The following UHRF1 variants were observed in gnomAD, a reference collection of about 807,000 sequenced individuals.
UHRF1 encodes the protein E3 ubiquitin-protein ligase UHRF1.
In UHRF1, 9 loss-of-function variants were observed where a neutral mutation model predicts 96.5. The observed-to-expected ratio is 0.09, with a 90% CI of 0.06 to 0.16. UHRF1 has a LOEUF of 0.16. UHRF1 is among the 10% of genes least tolerant of loss of function. UHRF1 has a pLI of 1.00. For synonymous variants in UHRF1, 455 were observed against 469.9 expected (o/e 0.97, Z 0.41); for missense variants, 626 against 1,131.1 (o/e 0.55, Z 6.40).
Position 4,959,243 on chromosome 19 carries a change from T to TC in UHRF1, c.2236-1411dup, listed in dbSNP as rs1043553905. On this transcript the variant is annotated intron_variant, in intron 16 of 16. Coordinates refer to ENST00000650932, the MANE Select transcript of UHRF1 (RefSeq NM_001048201.3). The stretch of plus-strand genomic sequence containing the variant: ...TACTCAGGAGGCTGAGACACGAGAA[T>TC]CCCTTGAACCCGGGAGGTGGAGGTT... 3.2e-4 allele frequency among the ~76,000 whole-genome samples: 49 copies of TC among 151,420 alleles called. 1 individual carries two copies. The highest frequency in any genetic ancestry group is 1.2e-3 in the African/African-American group (49 of 41,292).
chr19:4,923,464 G>A (rs950583093), intron 2 of UHRF1, among the ~76,000 whole-genome samples: 8 of 152,224 alleles, frequency 5.3e-5, no homozygotes, highest in East Asian at 1.9e-4. Flanking sequence ...GGTTTCCCTC[G>A]TGCGCTGAGG....
At chr19:4,958,633 G>A (rs905992018) in intron 16 of UHRF1, among the ~76,000 whole-genome samples, 20 of 152,182 alleles carry the variant, frequency 1.3e-4, no homozygotes, top group Non-Finnish European at 2.5e-4. Flanking sequence ...GCATCGGAGG[G>A]GTTCTGGGAA....
In UHRF1 at chr19:4,941,511, G is replaced by T; in HGVS notation, c.786-17G>T. 6.2e-7 allele frequency: 1 copy of T among 1,605,164 alleles called. No individual in the cohort carries two copies. Among genetic ancestry groups the T allele is most frequent in the Non-Finnish European group, 8.5e-7 (1 of 1,174,452 alleles). Reference sequence around the variant, plus strand: ...CCTCGGCAGGCCAGAATGTTCCAGCGTCCTCGTTCCTTGCAGGGATGATTC... The same window carrying T: ...CCTCGGCAGGCCAGAATGTTCCAGCTTCCTCGTTCCTTGCAGGGATGATTC... On this transcript the variant is annotated splice_polypyrimidine_tract_variant and intron_variant, in intron 5 of 16. Transcript: ENST00000650932.
rs938127055 is a variant in UHRF1 at position 4,946,050 on chromosome 19, C to T, written c.1410+85C>T. 117 of 1,097,730 alleles carry T rather than the reference C, an allele frequency of 1.1e-4. 1 individual carries two copies. In the South Asian group the frequency reaches 1.8e-3, roughly 17 times the overall value. The allele number at this position is 1,097,730 out of a possible 1,614,324, so 68.0% of individuals were successfully genotyped here. ...AATACATAGAACAAAATTTCCCATC[C>T]TAGCCGTTTTTAAATGCTTGGTTCC... On this transcript the variant is annotated intron_variant, in intron 10 of 16. Transcript: ENST00000650932.
intron 16 of UHRF1, among the ~76,000 whole-genome samples, chr19:4,958,931 C>T (rs2033923108): frequency 6.7e-6 from 1 of 148,384 alleles, no homozygotes; most frequent in Admixed American, 6.7e-5. Context: ...CATTGTACTC[C>T]AGCCTGGGCG....
chr19:4,916,838 T>C (rs2032524884), intron 2 of UHRF1, among the ~76,000 whole-genome samples: 1 of 152,160 alleles, frequency 6.6e-6, no homozygotes, highest in Admixed American at 6.6e-5. Flanking sequence ...TCCCCCCAGG[T>C]CCCGTCAGGC....
Position 4,930,567 on chromosome 19 carries a change from G to C in UHRF1, c.409-149G>C. The C allele has an allele frequency of 1.0e-6, 1 of 1,004,378 alleles. No homozygotes were observed. Among genetic ancestry groups the C allele is most frequent in the Non-Finnish European group, 1.5e-6 (1 of 685,834 alleles). 62.2% of individuals were successfully genotyped at this position (1,004,378 alleles called of 1,614,324 possible). A position where few individuals can be genotyped will look rare whatever the true frequency, so the allele number is the denominator to read the frequency against. On this transcript the variant is annotated intron_variant, in intron 3 of 16. Coordinates refer to ENST00000650932, the MANE Select transcript of UHRF1 (RefSeq NM_001048201.3). This position sits in a 1 kb window ranked among gnomAD's most constrained non-coding sequence, Gnocchi z 4.4. ...TGCCGGGGCTGGTTTCTCATGGTCAGCGGTTCCCAGCCAGGGAGGAGAAAC... is the reference window on the plus strand; with the variant it reads ...TGCCGGGGCTGGTTTCTCATGGTCACCGGTTCCCAGCCAGGGAGGAGAAAC...
chr19:4,929,161 C>T, intron 2 of UHRF1, 61 bp from the exon 3 acceptor site: 3 of 1,566,048 alleles, frequency 1.9e-6, no homozygotes, highest in Non-Finnish European at 2.6e-6. Context: ...ATCACTGGTG[C>T]CCACAGATGC....
At chr19:4,920,696 G>C (rs1367294781) in intron 2 of UHRF1, among the ~76,000 whole-genome samples, 1 of 152,174 alleles carries the variant, frequency 6.6e-6, no homozygotes, top group Non-Finnish European at 1.5e-5. Flanking sequence ...TGGGACTACA[G>C]ATGTGAGCCA....
chr19:4,944,369 G>T lies in UHRF1; in HGVS notation c.1224G>T (p.Lys408Asn). 6.2e-7 allele frequency: 1 copy of T among 1,614,058 alleles called. No homozygotes were observed. Among genetic ancestry groups the T allele is most frequent in the Non-Finnish European group, 8.5e-7 (1 of 1,179,904 alleles). ...GKGMACVGRT[K>N]ECTIVPSNHY... is the part of the protein sequence containing the mutation. The stretch of plus-strand genomic sequence containing the variant: ...GCATGGCCTGTGTGGGCCGCACCAA[G>T]GAATGTACCATCGTCCCGTCCAACC... The change falls in exon 9 of 17, where the codon AAG (lysine) becomes AAT (asparagine). Residue 408 changes from lysine to asparagine, a missense_variant. By Grantham distance (94) the Lys-to-Asn change is moderately conservative. Around this residue, in one of 11 missense-constraint regions of UHRF1, gnomAD observed 69 missense variants for 159.8 expected, o/e 0.43. Transcript: ENST00000650932.
chr19:4,906,832 C>T (rs1260863229), upstream of UHRF1, among the ~76,000 whole-genome samples: 5 of 152,230 alleles, frequency 3.3e-5, no homozygotes. Flanking sequence ...GCGCTACAAA[C>T]AGATGATGTG....
At position 4,948,398 on chromosome 19, in the gene UHRF1, A is replaced by T. The variant is rs17883616; in HGVS notation, c.1517+1187A>T. ...TATCTAAACATTATAAATATATTACATAAATAAATCCTATAAATTAAAAGG... is the reference window on the plus strand; with the variant it reads ...TATCTAAACATTATAAATATATTACTTAAATAAATCCTATAAATTAAAAGG... On this transcript the variant is annotated intron_variant, in intron 11 of 16. Transcript: ENST00000650932. Among the ~76,000 whole-genome samples, 6 of 152,302 alleles carry T rather than the reference A, an allele frequency of 3.9e-5. 1 individual carries two copies. The South Asian group carries it at 1.2e-3, about 32-fold the overall frequency.
chr19:4,954,868 G>A lies in UHRF1; in HGVS notation c.2130+46G>A, dbSNP rs766817993. Reference sequence around the variant, plus strand: ...CGTCGCCCTGATTTGCGTTGACTGCGGTAAAATGTGTGGGGCTTGTTTCCC... The same window carrying A: ...CGTCGCCCTGATTTGCGTTGACTGCAGTAAAATGTGTGGGGCTTGTTTCCC... On this transcript the variant is annotated intron_variant, in intron 15 of 16. Coordinates refer to ENST00000650932, the MANE Select transcript of UHRF1 (RefSeq NM_001048201.3). This position sits in a 1 kb window ranked among gnomAD's most constrained non-coding sequence, Gnocchi z 5.9. 20 of 1,602,132 alleles carry A rather than the reference G, an allele frequency of 1.2e-5. No homozygotes were observed. The highest frequency in any genetic ancestry group is 2.2e-5 in the South Asian group (2 of 89,996).
chr19:4,910,759 C>A, intron 1 of UHRF1, 117 bp from the exon 2 acceptor site: 1 of 1,294,604 alleles, frequency 7.7e-7, no homozygotes, highest in Non-Finnish European at 1.0e-6. Flanking sequence ...GGAAGGGCAT[C>A]CTGGGAGTTT....
Position 4,941,945 on chromosome 19 carries a change from T to A in UHRF1, c.1073+14T>A. The A allele has an allele frequency of 6.8e-7, 1 of 1,473,706 alleles. No individual in the cohort carries two copies. The highest frequency in any genetic ancestry group is 2.4e-5 in the East Asian group (1 of 41,000). 91.3% of individuals were successfully genotyped at this position (1,473,706 alleles called of 1,614,324 possible). On this transcript the variant is annotated intron_variant, in intron 7 of 16. Transcript: ENST00000650932. ...CGAGGACGAGTGGTGAGTGCGGCCC[T>A]GCCCGCCGCGGGGAGACCAGAGCGC...
Position 4,944,470 on chromosome 19 carries a change from G to T in UHRF1, c.1305+20G>T. 6.2e-7 allele frequency: 1 copy of T among 1,613,168 alleles called. No individual in the cohort carries two copies. Among genetic ancestry groups the T allele is most frequent in the South Asian group, 1.1e-5 (1 of 91,060 alleles). ...GTCCAGGTACCTGCAGCGTCCCGGGGCTCCAGGGGCCACGCGGGCTCATCC... is the reference window on the plus strand; with the variant it reads ...GTCCAGGTACCTGCAGCGTCCCGGGTCTCCAGGGGCCACGCGGGCTCATCC... On this transcript the variant is annotated intron_variant, in intron 9 of 16. Transcript: ENST00000650932.
rs370919701 is a variant in UHRF1, at chr19:4,944,461, C to T, written c.1305+11C>T. 127 of 1,613,568 alleles carry T rather than the reference C, an allele frequency of 7.9e-5. No homozygotes were observed. Among genetic ancestry groups the T allele is most frequent in the Non-Finnish European group, 9.4e-5 (111 of 1,179,736 alleles). Reference sequence around the variant, plus strand: ...CGGTTCCGAGTCCAGGTACCTGCAGCGTCCCGGGGCTCCAGGGGCCACGCG... The same window carrying T: ...CGGTTCCGAGTCCAGGTACCTGCAGTGTCCCGGGGCTCCAGGGGCCACGCG... On this transcript the variant is annotated intron_variant, in intron 9 of 16. Coordinates refer to ENST00000650932, the MANE Select transcript of UHRF1 (RefSeq NM_001048201.3).
rs1328601750 is a variant in UHRF1 at position 4,930,687 on chromosome 19, G to A, written c.409-29G>A. 4 of 1,608,422 alleles carry A rather than the reference G, an allele frequency of 2.5e-6. No homozygotes were observed. The African/African-American group carries it at 4.0e-5, about 16-fold the overall frequency. On this transcript the variant is annotated intron_variant, in intron 3 of 16. Coordinates refer to ENST00000650932, the MANE Select transcript of UHRF1 (RefSeq NM_001048201.3). This position sits in a 1 kb window ranked among gnomAD's most constrained non-coding sequence, Gnocchi z 4.4. Reference sequence around the variant, plus strand: ...CCCGTCAGTTTTCCTCACCCCGTTGGGATGCCAGACTTCCCTCATTCCTCA... The same window carrying A: ...CCCGTCAGTTTTCCTCACCCCGTTGAGATGCCAGACTTCCCTCATTCCTCA...
intron 5 of UHRF1, among the ~76,000 whole-genome samples, chr19:4,939,080 A>G (rs1024765350): frequency 1.4e-5 from 2 of 147,848 alleles, no homozygotes; most frequent in African/African-American, 5.0e-5. Context: ...CACCTGGCTC[A>G]TTTTTTTTTG....
Sources: gnomAD v4.1 joint callset for allele counts (sites outside exome capture counted in the v4.1 genomes callset) on GRCh38, gnomAD v4.1.1 for gene constraint, gnomAD v4.1.1 regional missense constraint, Gnocchi (gnomAD v3.1) non-coding constraint, MANE v1.5 for transcripts, NCBI Gene and HGNC (gene_info 2026-07-23, HGNC 2026-07-21) for gene names.